Variants in ECE1 observed in about 807,000 individuals in gnomAD.
ECE1 encodes endothelin converting enzyme 1.
Under a neutral mutation model 98.6 loss-of-function variants are expected in ECE1, and 35 were observed. The ratio of observed to expected loss-of-function variants is 0.35; its 90% CI spans 0.27 to 0.47. The LOEUF (loss-of-function observed/expected upper bound fraction) is 0.47, where lower values mean the gene tolerates loss of function less well. Ranked by LOEUF, ECE1 falls within the 20% of genes least tolerant of loss-of-function variation. ECE1 has a pLI of 1.00. For missense variants in ECE1, 814 were observed against 1,025.3 expected (o/e 0.79, Z 2.81); for synonymous variants, 394 against 407.1 (o/e 0.97, Z 0.39).
chr1:21,333,641 T>C lies in ECE1; in HGVS notation c.3+11735A>G, dbSNP rs1019259214. 2.6e-5 allele frequency among the ~76,000 whole-genome samples: 4 copies of C among 152,152 alleles called. No homozygotes were observed. In the South Asian group the frequency reaches 6.2e-4, roughly 24 times the overall value. ...TGAGGTCAGGAGTTCGAGACCAGCC[T>C]GGCCAACATGGTGAAACCCCGTCTC... On this transcript the variant is annotated intron_variant, in intron 1 of 18. Transcript: ENST00000415912.
At chr1:21,257,490 T>C (rs369560832) in intron 7 of ECE1, 35 bp downstream of exon 7, 49 of 1,612,292 alleles carry the variant, frequency 3.0e-5, no homozygotes, top group Admixed American at 1.8e-4. Flanking sequence ...AGGACCGTGC[T>C]GGGAGGCAGG....
chr1:21,228,649 C>A (rs12740804), intron 14 of ECE1, among the ~76,000 whole-genome samples: 4,157 of 151,800 alleles, frequency 0.027, 85 homozygotes, highest in Non-Finnish European at 0.034. Context: ...ATTAGCCAGG[C>A]GTGGTGGCGC....
At chr1:21,224,978 G>T (rs1039075186) in intron 17 of ECE1, among the ~76,000 whole-genome samples, 21 of 152,142 alleles carry the variant, frequency 1.4e-4, no homozygotes, top group African/African-American at 7.2e-5. Flanking sequence ...GAACAGGCAG[G>T]CTCTTCAGGC....
intron 4 of ECE1, among the ~76,000 whole-genome samples, chr1:21,271,111 G>A (rs1355434776): frequency 4.6e-5 from 7 of 152,142 alleles, no homozygotes; most frequent in Admixed American, 2.0e-4. Context: ...TTGCTGCTTC[G>A]GACATACTGA....
chr1:21,297,465 A>G (rs1569695295), intron 1 of ECE1, among the ~76,000 whole-genome samples: 1 of 148,696 alleles, frequency 6.7e-6, no homozygotes, highest in African/African-American at 2.5e-5. Context: ...TTGATCTCCT[A>G]CTGTAGCTCC....
At chr1:21,331,358 C>G (rs7546190) in intron 1 of ECE1, among the ~76,000 whole-genome samples, 1 of 151,846 alleles carries the variant, frequency 6.6e-6, no homozygotes, top group South Asian at 2.1e-4. Flanking sequence ...GAGCCGAGAT[C>G]ATGCCACTGC....
At chr1:21,261,349 CT>C (rs2098226583) in intron 4 of ECE1, among the ~76,000 whole-genome samples, 1 of 152,188 alleles carries the variant, frequency 6.6e-6, no homozygotes, top group Non-Finnish European at 1.5e-5. Context: ...TTCACAAAGA[CT>C]TTCCTGGCAG....
chr1:21,275,192 G>A (rs1558406219), intron 3 of ECE1, among the ~76,000 whole-genome samples: 2 of 152,228 alleles, frequency 1.3e-5, no homozygotes, highest in African/African-American at 4.8e-5. Context: ...CTGTGTGTAT[G>A]TGTCTGTGTG....
At position 21,225,295 on chromosome 1, in the gene ECE1, C is replaced by T. The variant is rs756122237; in HGVS notation, c.1995G>A (p.Leu665=). The change falls in exon 17 of 19, where the codon CTG becomes CTA. Residue 665 remains leucine (L), a synonymous_variant. Coordinates refer to ENST00000374893, the MANE Select transcript of ECE1 (RefSeq NM_001397.3). This position sits in a 1 kb window ranked among gnomAD's most constrained non-coding sequence, Gnocchi z 5.3. ...CCCCGTTGTCGGCGATGTTCTCCCC[C>T]AGGGTGTGCCGCCCGTTCACCGGCT... is the stretch of plus-strand genomic sequence containing the variant. ...NGEPVNGRHT[L]GENIADNGGL... 3.1e-6 allele frequency: 5 copies of T among 1,614,246 alleles called. No homozygotes were observed. The Middle Eastern group carries it at 8.2e-4, about 266-fold the overall frequency.
chr1:21,239,124 C>T (rs1007770503), intron 10 of ECE1, among the ~76,000 whole-genome samples: 1 of 152,084 alleles, frequency 6.6e-6, no homozygotes, highest in Non-Finnish European at 1.5e-5. Flanking sequence ...TGAGCCACCA[C>T]ACCTGGCTCA....
intron 1 of ECE1, among the ~76,000 whole-genome samples, chr1:21,326,218 G>A (rs192880408): frequency 2.2e-4 from 34 of 152,268 alleles, no homozygotes; most frequent in Non-Finnish European, 4.4e-4. Context: ...ATACCCATGC[G>A]GGGGAGGGTG....
At chr1:21,238,550 G>T (rs945441837) in intron 10 of ECE1, among the ~76,000 whole-genome samples, 1 of 152,206 alleles carries the variant, frequency 6.6e-6, no homozygotes, top group Non-Finnish European at 1.5e-5. Context: ...ACTCGGCACG[G>T]AGCAGCTGCT....
At position 21,290,020 on chromosome 1, in the gene ECE1, T is replaced by TGCCCGG; in HGVS notation, c.138+44_138+49dup. ...GGGGGCGCGGCAGCGGCAGCGCGCATGCCCGGGCCCGGGGCGCCTGGACCT... is the reference window on the plus strand; with the variant it reads ...GGGGGCGCGGCAGCGGCAGCGCGCATGCCCGGGCCCGGGCCCGGGGCGCCTGGACCT... On this transcript the variant is annotated intron_variant, in intron 2 of 18. Coordinates refer to ENST00000374893, the MANE Select transcript of ECE1 (RefSeq NM_001397.3). This position sits in a 1 kb window ranked among gnomAD's most constrained non-coding sequence, Gnocchi z 7.3. 9.1e-7 allele frequency: 1 copy of TGCCCGG among 1,096,210 alleles called. No homozygotes were observed. Among genetic ancestry groups the TGCCCGG allele is most frequent in the South Asian group, 2.5e-5 (1 of 40,402 alleles). 67.9% of individuals were successfully genotyped at this position (1,096,210 alleles called of 1,614,324 possible). A position where few individuals can be genotyped will look rare whatever the true frequency, so the allele number is the denominator to read the frequency against.
At chr1:21,226,427 T>C (rs1489099133) in intron 16 of ECE1, among the ~76,000 whole-genome samples, 1 of 152,104 alleles carries the variant, frequency 6.6e-6, no homozygotes, top group Non-Finnish European at 1.5e-5. Context: ...AAACTTCATA[T>C]AATCGGCAGG....
rs766157579 is a variant in ECE1 at position 21,227,188 on chromosome 1, T to C, written c.1820A>G (p.His607Arg). ...ATCATCAAAAGCATGAGTCAGCTCA[T>C]GGCCCACGACGACACCTATGCCACC... ...NFGGIGVVVGHELTHAFDDQG... is the reference protein window; with the variant it reads ...NFGGIGVVVGRELTHAFDDQG... The change falls in exon 16 of 19, where the codon CAT (histidine) becomes CGT (arginine). Residue 607 changes from histidine (H) to arginine (R), a missense_variant. By Grantham distance (29) the His-to-Arg change is conservative (BLOSUM62 0). This residue lies in a region of ECE1 where 452 missense variants were observed against 567.3 expected (regional missense o/e 0.80). Transcript: ENST00000374893. The C allele has an allele frequency of 1.2e-6, 2 of 1,614,052 alleles. No individual in the cohort carries two copies. The highest frequency in any genetic ancestry group is 2.2e-5 in the East Asian group (1 of 44,894).
intron 1 of ECE1, among the ~76,000 whole-genome samples, chr1:21,343,970 C>A (rs1453614644): frequency 6.6e-6 from 1 of 152,252 alleles, no homozygotes; most frequent in South Asian, 2.1e-4. Flanking sequence ...ATAGTGCACT[C>A]CCTGTGTCGG....
intron 14 of ECE1, among the ~76,000 whole-genome samples, chr1:21,228,612 C>T (rs2098177543): frequency 1.3e-5 from 2 of 151,498 alleles, no homozygotes; most frequent in African/African-American, 2.4e-5. Context: ...ACGGCAAAAC[C>T]CTGTCTCTAC....
intron 2 of ECE1, 187 bp from the exon 3 acceptor site, chr1:21,279,519 G>A (rs932234999): frequency 6.8e-7 from 1 of 1,460,528 alleles, no homozygotes; most frequent in African/African-American, 1.4e-5. Flanking sequence ...CTGCTCAGCT[G>A]CTCGGATCTG....
At chr1:21,309,563 C>G (rs1638671260) in intron 1 of ECE1, among the ~76,000 whole-genome samples, 1 of 152,156 alleles carries the variant, frequency 6.6e-6, no homozygotes, top group South Asian at 2.1e-4. Flanking sequence ...TCAGGATCTG[C>G]CCGGACATCA....
Sources: allele counts gnomAD v4.1 joint callset (sites outside exome capture counted in the v4.1 genomes callset), GRCh38; gene constraint gnomAD v4.1.1; regional missense constraint gnomAD v4.1.1; non-coding constraint Gnocchi (gnomAD v3.1); transcripts MANE v1.5; gene names NCBI Gene and HGNC (gene_info 2026-07-23, HGNC 2026-07-21).